Variants in B4GALT2 observed in about 807,000 individuals in gnomAD.
B4GALT2 encodes beta-1,4-galactosyltransferase 2, also known as N-acetyllactosamine synthase.
In B4GALT2, 18 loss-of-function variants were observed where a neutral mutation model predicts 33.2. That is an observed-to-expected ratio of 0.54 (90% CI 0.38 to 0.80). The LOEUF is 0.80. Among genes scored for constraint, B4GALT2 ranks in the 30% least tolerant of loss-of-function variants. The pLI is 0.00. For missense variants in B4GALT2, 404 were observed against 526.2 expected, an observed-to-expected ratio of 0.77 and a Z score of 2.27; for synonymous variants, 214 against 217.6, an observed-to-expected ratio of 0.98 and a Z score of 0.15.
Position 43,981,196 on chromosome 1 carries a change from C to T in B4GALT2, c.36C>T (p.Val12=). The change falls in exon 2 of 7, where the codon GTC becomes GTT. Residue 12 remains valine, a synonymous_variant. Coordinates refer to ENST00000372324, the MANE Select transcript of B4GALT2 (RefSeq NM_003780.5). The surrounding 1 kb of genome is among the most constrained non-coding windows in gnomAD (Gnocchi z 8.1). The part of the protein sequence containing the change: ...SRLLGGTLER[V]CKAVLLLCLL... The stretch of plus-strand genomic sequence containing the variant: ...TGCTGGGGGGGACGCTGGAGCGCGT[C>T]TGCAAGGCTGTGCTCCTTCTCTGCC... 1 of 1,601,936 alleles carries T rather than the reference C, an allele frequency of 6.2e-7. No homozygotes were observed. Among genetic ancestry groups the T allele is most frequent in the Non-Finnish European group, 8.5e-7 (1 of 1,179,840 alleles).
Position 43,984,333 on chromosome 1 carries a change from C to T in B4GALT2, c.550-532C>T, listed in dbSNP as rs963663230. ...TCGTTGTTTGTCTCACTGCATGACT[C>T]TATACACAGCAGGGAGGGGACCAGG... On this transcript the variant is annotated intron_variant, in intron 3 of 6. Transcript: ENST00000372324. This position sits in a 1 kb window ranked among gnomAD's most constrained non-coding sequence, Gnocchi z 5.6. Among the ~76,000 whole-genome samples, 3 of 152,228 alleles carry T rather than the reference C, an allele frequency of 2.0e-5. No individual in the cohort carries two copies. The highest frequency in any genetic ancestry group is 4.8e-5 in the African/African-American group (2 of 41,464).
rs1223120663 is a variant in B4GALT2 at position 43,981,326 on chromosome 1, C to T, written c.166C>T (p.Pro56Ser). The change falls in exon 2 of 7, where the codon CCA becomes TCA. Residue 56 changes from proline (P) to serine (S), a missense_variant. Pro to Ser is a moderately conservative substitution (Grantham distance 74). Transcript: ENST00000372324. The surrounding 1 kb of genome is among the most constrained non-coding windows in gnomAD (Gnocchi z 8.1). ...CCGAGGCCCTGCCCATGCCCTCCACCCAGCTGCTAGCAGCAGCAGCAGCAG... is the reference window on the plus strand; with the variant it reads ...CCGAGGCCCTGCCCATGCCCTCCACTCAGCTGCTAGCAGCAGCAGCAGCAG... Reference protein sequence around the residue: ...SARGPAHALHPAASSSSSSSN... With the variant: ...SARGPAHALHSAASSSSSSSN... The T allele has an allele frequency of 1.9e-6, 3 of 1,602,440 alleles. No individual in the cohort carries two copies. The highest frequency in any genetic ancestry group is 2.2e-5 in the East Asian group (1 of 44,872).
At chr1:43,983,109 A>C (rs559638981) in intron 3 of B4GALT2, among the ~76,000 whole-genome samples, 1 of 152,192 alleles carries the variant, frequency 6.6e-6, no homozygotes, top group Admixed American at 6.5e-5. Flanking sequence ...GTGACTCTGA[A>C]TCCTTTCTTG....
chr1:43,981,367 G>A lies in B4GALT2; in HGVS notation c.207G>A (p.Arg69=), dbSNP rs747964707. 32 of 1,598,978 alleles carry A rather than the reference G, an allele frequency of 2.0e-5. No individual in the cohort carries two copies. The highest frequency in any genetic ancestry group is 2.2e-5 in the Non-Finnish European group (26 of 1,179,762). Residue 69 remains arginine (R), a synonymous_variant, in exon 2 of 7, where the codon CGG becomes CGA. Coordinates refer to ENST00000372324, the MANE Select transcript of B4GALT2 (RefSeq NM_003780.5). The surrounding 1 kb of genome is among the most constrained non-coding windows in gnomAD (Gnocchi z 8.1). ...GCAGCAGCAGCAGCAACTGCTCCCG[G>A]CCCAACGCCACCGCCTCTAGCTCCG... is the stretch of plus-strand genomic sequence containing the variant. ...SSSSSSSNCS[R]PNATASSSGL...
Position 43,982,695 on chromosome 1 carries a change from AG to A in B4GALT2, c.549+773del, listed in dbSNP as rs2085613821. On this transcript the variant is annotated intron_variant, in intron 3 of 6. Transcript: ENST00000372324. The surrounding 1 kb of genome is among the most constrained non-coding windows in gnomAD (Gnocchi z 4.3). ...GACTGGGTAGCAAAGATGAGGCTGG[AG>A]GAGTTGGAAGTCAAACTGAGAAATG... Among the ~76,000 whole-genome samples, 1 of 152,186 alleles carries A rather than the reference AG, an allele frequency of 6.6e-6. No individual in the cohort carries two copies. Among genetic ancestry groups the A allele is most frequent in the Non-Finnish European group, 1.5e-5 (1 of 68,028 alleles).
chr1:43,981,361 C>T lies in B4GALT2; in HGVS notation c.201C>T (p.Cys67=), dbSNP rs1315879314. 5 of 1,599,434 alleles carry T rather than the reference C, an allele frequency of 3.1e-6. No individual in the cohort carries two copies. The African/African-American group carries it at 5.3e-5, about 17-fold the overall frequency. ...AASSSSSSSN[C]SRPNATASSS... ...GCAGCAGCAGCAGCAGCAGCAACTG[C>T]TCCCGGCCCAACGCCACCGCCTCTA... The change falls in exon 2 of 7, where the codon TGC becomes TGT. Residue 67 remains cysteine, a synonymous_variant. Transcript: ENST00000372324. This position sits in a 1 kb window ranked among gnomAD's most constrained non-coding sequence, Gnocchi z 8.1.
In B4GALT2 at chr1:43,990,671, C is replaced by G. The variant is rs926048080; in HGVS notation, c.*223C>G. The G allele has an allele frequency of 4.9e-6, 3 of 608,912 alleles. No homozygotes were observed. The African/African-American group carries it at 5.6e-5, about 11-fold the overall frequency. 37.7% of individuals were successfully genotyped at this position (608,912 alleles called of 1,614,324 possible). ...AAGTGTGGCCCTCTTTGGAGTCAAC[C>G]CTCCTTCCCGACCCCCTCCCCCTAG... On this transcript the variant is annotated 3_prime_UTR_variant, in exon 7 of 7. Transcript: ENST00000372324.
Position 43,984,196 on chromosome 1 carries a change from A to C in B4GALT2, c.550-669A>C, listed in dbSNP as rs1267449845. 6.6e-6 allele frequency among the ~76,000 whole-genome samples: 1 copy of C among 152,188 alleles called. No homozygotes were observed. The highest frequency in any genetic ancestry group is 1.5e-5 in the Non-Finnish European group (1 of 68,016). Reference sequence around the variant, plus strand: ...CTATGCTTGTCATTTTGTTGGAGAGACAAGTGAATCTAGCCCAGACCTGTC... The same window carrying C: ...CTATGCTTGTCATTTTGTTGGAGAGCCAAGTGAATCTAGCCCAGACCTGTC... On this transcript the variant is annotated intron_variant, in intron 3 of 6. Coordinates refer to ENST00000372324, the MANE Select transcript of B4GALT2 (RefSeq NM_003780.5). The surrounding 1 kb of genome is among the most constrained non-coding windows in gnomAD (Gnocchi z 5.6).
intron 5 of B4GALT2, 43 bp downstream of exon 5, chr1:43,985,443 A>AGT: frequency 7.4e-6 from 3 of 403,488 alleles, no homozygotes; most frequent in African/African-American, 5.8e-5. Flanking sequence ...TGGGGGGGGG[A>AGT]GGGGGGGTGC....
chr1:43,985,287 T>C lies in B4GALT2; in HGVS notation c.750T>C (p.Tyr250=). ...AMDKFGFRLP[Y]AGYFGGVSGL... is the part of the protein sequence containing the mutation. Reference sequence around the variant, plus strand: ...CCTTCCCATGCCACAGGCTTCCCTATGCTGGCTACTTTGGAGGTGTGTCAG... The same window carrying C: ...CCTTCCCATGCCACAGGCTTCCCTACGCTGGCTACTTTGGAGGTGTGTCAG... The change falls in exon 5 of 7, where the codon TAT becomes TAC. Residue 250 remains tyrosine (Y), a synonymous_variant. Transcript: ENST00000372324. The C allele has an allele frequency of 6.2e-7, 1 of 1,612,636 alleles. No homozygotes were observed. Among genetic ancestry groups the C allele is most frequent in the Non-Finnish European group, 8.5e-7 (1 of 1,179,196 alleles).
In B4GALT2 at chr1:43,979,878, T is replaced by G; in HGVS notation, c.-53+367T>G. 6 of 963,438 alleles carry G rather than the reference T, an allele frequency of 6.2e-6. No homozygotes were observed. Among genetic ancestry groups the G allele is most frequent in the East Asian group, 2.9e-5 (1 of 33,956 alleles). 59.7% of individuals were successfully genotyped at this position (963,438 alleles called of 1,614,324 possible). A position where few individuals can be genotyped will look rare whatever the true frequency, so the allele number is the denominator to read the frequency against. The stretch of plus-strand genomic sequence containing the variant: ...GGCCTGCCCGTCCGCGGGTGCCACG[T>G]GTTCAGCCTGCCAGCCCCGCCCAAA... On this transcript the variant is annotated intron_variant, in intron 1 of 6. Transcript: ENST00000372324. The surrounding 1 kb of genome is among the most constrained non-coding windows in gnomAD (Gnocchi z 4.8).
chr1:43,980,677 C>T (rs1303829345), intron 1 of B4GALT2: 14 of 823,516 alleles, frequency 1.7e-5, no homozygotes, highest in Non-Finnish European at 1.6e-5. Flanking sequence ...GTTAAGGATG[C>T]TGCCATGTGA....
intron 6 of B4GALT2, 167 bp downstream of exon 6, chr1:43,985,788 G>T (rs2085652528): frequency 1.5e-6 from 1 of 664,708 alleles, no homozygotes; most frequent in East Asian, 2.7e-5. Context: ...GTGATCCAAG[G>T]CCCCTCAGGA....
intron 6 of B4GALT2, among the ~76,000 whole-genome samples, chr1:43,989,005 GC>G (rs767123619): frequency 9.2e-5 from 14 of 152,180 alleles, no homozygotes; most frequent in Non-Finnish European, 1.9e-4. Flanking sequence ...ATTGGCTTAA[GC>G]CTAGGCCCCA....
chr1:43,980,328 C>T, intron 1 of B4GALT2: 1 of 362,514 alleles, frequency 2.8e-6, no homozygotes, highest in Non-Finnish European at 4.8e-6. Flanking sequence ...ACCAGCTGTG[C>T]TGGGCAGGAC....
Position 43,982,929 on chromosome 1 carries a change from G to A in B4GALT2, c.549+1005G>A, listed in dbSNP as rs2085616139. Among the ~76,000 whole-genome samples the A allele has an allele frequency of 6.6e-6, 1 of 152,188 alleles. No homozygotes were observed. The highest frequency in any genetic ancestry group is 1.5e-5 in the Non-Finnish European group (1 of 68,036). Reference sequence around the variant, plus strand: ...GGAAAGAGGCGGTGACCCTGCGGATGTGTGGGGCGGGAGTCGCGGGGAAGA... The same window carrying A: ...GGAAAGAGGCGGTGACCCTGCGGATATGTGGGGCGGGAGTCGCGGGGAAGA... On this transcript the variant is annotated intron_variant, in intron 3 of 6. Transcript: ENST00000372324. The surrounding 1 kb of genome is among the most constrained non-coding windows in gnomAD (Gnocchi z 4.3).
chr1:43,985,475 C>A lies in B4GALT2; in HGVS notation c.864-42C>A, dbSNP rs200239781. 498 of 1,598,064 alleles carry A rather than the reference C, an allele frequency of 3.1e-4. 8 individuals are homozygous for A. In the Admixed American group the frequency reaches 8.2e-3, roughly 26 times the overall value. On this transcript the variant is annotated intron_variant, in intron 5 of 6. Transcript: ENST00000372324. The stretch of plus-strand genomic sequence containing the variant: ...GTGCAGACTGGGTGGGGTTCTTTGC[C>A]CTTCCTGGAGCCTGTTCCAGTCTGT...
intron 1 of B4GALT2, chr1:43,980,680 C>T (rs1446332316): frequency 2.5e-6 from 2 of 793,078 alleles, no homozygotes; most frequent in Non-Finnish European, 3.1e-6. Context: ...AAGGATGCTG[C>T]CATGTGAGGT....
Position 43,979,752 on chromosome 1 carries a change from C to T in B4GALT2, c.-53+241C>T, listed in dbSNP as rs546557890. 9.7e-6 allele frequency: 4 copies of T among 412,768 alleles called. No homozygotes were observed. The highest frequency in any genetic ancestry group is 4.2e-5 in the African/African-American group (2 of 47,304). The allele number at this position is 412,768 out of a possible 1,614,324, so 25.6% of individuals were successfully genotyped here. ...CCTCGCTCGCCCCGGCCTCGTGGCG[C>T]GGGGAGGCGTTCCATACACGTTTCC... On this transcript the variant is annotated intron_variant, in intron 1 of 6. Coordinates refer to ENST00000372324, the MANE Select transcript of B4GALT2 (RefSeq NM_003780.5). The surrounding 1 kb of genome is among the most constrained non-coding windows in gnomAD (Gnocchi z 4.8).
Sources: gnomAD v4.1 joint callset for allele counts (sites outside exome capture counted in the v4.1 genomes callset) on GRCh38, gnomAD v4.1.1 for gene constraint, Gnocchi (gnomAD v3.1) non-coding constraint, MANE v1.5 for transcripts, NCBI Gene and HGNC (gene_info 2026-07-23, HGNC 2026-07-21) for gene names.